ST3GAL3: variants seen among roughly 807,000 people sequenced by gnomAD.
ST3GAL3 encodes ST3 beta-galactoside alpha-2,3-sialyltransferase 3, also known as CMP-N-acetylneuraminate-beta-1,4-galactoside alpha-2,3-sialyltransferase.
In ST3GAL3, 21 loss-of-function variants were observed where a neutral mutation model predicts 50.1. That is an observed-to-expected ratio of 0.42 (90% CI 0.30 to 0.60). The LOEUF (loss-of-function observed/expected upper bound fraction) is 0.60. ST3GAL3 is among the 20% of genes least tolerant of loss of function. The pLI is 0.19. For missense variants in ST3GAL3, 353 were observed against 489.4 expected, an observed-to-expected ratio of 0.72 and a Z score of 2.63; for synonymous variants, 183 against 190.0, an observed-to-expected ratio of 0.96 and a Z score of 0.30.
chr1:43,765,333 C>A (rs1692146964), intron 2 of ST3GAL3, among the ~76,000 whole-genome samples: 1 of 152,122 alleles, frequency 6.6e-6, no homozygotes, highest in Non-Finnish European at 1.5e-5. Context: ...CCTCTCTCTT[C>A]AAGCTTCTCT....
intron 1 of ST3GAL3, among the ~76,000 whole-genome samples, chr1:43,710,709 A>G (rs1031116867): frequency 6.6e-6 from 1 of 152,154 alleles, no homozygotes; most frequent in African/African-American, 2.4e-5. Context: ...GGCTTTTTCT[A>G]TCTTAAATAG....
intron 5 of ST3GAL3, among the ~76,000 whole-genome samples, chr1:43,888,269 G>A (rs1238833079): frequency 1.3e-5 from 2 of 151,958 alleles, no homozygotes; most frequent in Non-Finnish European, 2.9e-5. Flanking sequence ...TATAACCTGG[G>A]GATGAGAAAA....
chr1:43,785,221 C>G (rs1361068329), intron 2 of ST3GAL3, among the ~76,000 whole-genome samples: 1 of 152,180 alleles, frequency 6.6e-6, no homozygotes, highest in Non-Finnish European at 1.5e-5. Flanking sequence ...GACTGCTAAA[C>G]CTCCCAAGTT....
intron 2 of ST3GAL3, among the ~76,000 whole-genome samples, chr1:43,748,629 C>G (rs1232196067): frequency 6.6e-6 from 1 of 152,040 alleles, no homozygotes; most frequent in Non-Finnish European, 1.5e-5. Context: ...TACATTGTTG[C>G]CTAGGCTGGT....
chr1:43,919,472 C>T (rs1229174502), intron 9 of ST3GAL3: 1 of 152,288 alleles, frequency 6.6e-6, no homozygotes, highest in Non-Finnish European at 1.5e-5. Context: ...TGACCTCCAG[C>T]AGTGCTCAGG....
chr1:43,810,958 G>A (rs183338618), intron 3 of ST3GAL3, among the ~76,000 whole-genome samples: 98 of 152,062 alleles, frequency 6.4e-4, no homozygotes, highest in African/African-American at 2.3e-3. Context: ...CCTATGTTTT[G>A]GTTATGTGAA....
rs199988736 is a variant in ST3GAL3 at position 43,864,970 on chromosome 1, A to AT, written c.302+26668dup. On this transcript the variant is annotated intron_variant, in intron 5 of 11. Coordinates refer to ENST00000347631, the MANE Select transcript of ST3GAL3 (RefSeq NM_006279.5). ...GTGAAGCACCCAGGTCCTTTAAGGGATTTTTTTTTCCGATTTCTTCCTAGT... is the reference window on the plus strand; with the variant it reads ...GTGAAGCACCCAGGTCCTTTAAGGGATTTTTTTTTTCCGATTTCTTCCTAGT... Among the ~76,000 whole-genome samples the AT allele has an allele frequency of 3.2e-3, 476 of 149,860 alleles. 2 individuals carry two copies. Among genetic ancestry groups the AT allele is most frequent in the African/African-American group, 0.011 (442 of 40,776 alleles).
At chr1:43,905,718 C>T (rs1455917086) in intron 9 of ST3GAL3, among the ~76,000 whole-genome samples, 2 of 97,952 alleles carry the variant, frequency 2.0e-5, no homozygotes, top group African/African-American at 4.5e-5. Flanking sequence ...CTCTTCCTCC[C>T]CCTCCTCCTG....
chr1:43,854,587 A>G (rs1207737005), intron 5 of ST3GAL3, among the ~76,000 whole-genome samples: 1 of 152,108 alleles, frequency 6.6e-6, no homozygotes, highest in African/African-American at 2.4e-5. Flanking sequence ...GCTTTAGCTA[A>G]CATCATATGT....
intron 5 of ST3GAL3, chr1:43,879,040 A>G (rs1425973429): frequency 2.2e-6 from 1 of 456,330 alleles, no homozygotes; most frequent in Admixed American, 2.3e-5. Context: ...AAACAAGAGA[A>G]GATGACATGT....
chr1:43,878,772 T>C (rs2074558214), intron 5 of ST3GAL3, among the ~76,000 whole-genome samples: 1 of 152,214 alleles, frequency 6.6e-6, no homozygotes. Context: ...TGCTCAGTTT[T>C]ATCAAGAGGG....
At chr1:43,795,541 G>C (rs2058590013) in intron 3 of ST3GAL3, among the ~76,000 whole-genome samples, 1 of 152,192 alleles carries the variant, frequency 6.6e-6, no homozygotes, top group Non-Finnish European at 1.5e-5. Context: ...GCTGGGTAGA[G>C]GTCTTCACAG....
At position 43,769,766 on chromosome 1, in the gene ST3GAL3, G is replaced by A. The variant is rs780181848; in HGVS notation, c.119-22336G>A. 2.2e-3 allele frequency among the ~76,000 whole-genome samples: 329 copies of A among 152,220 alleles called. 2 individuals carry two copies. The highest frequency in any genetic ancestry group is 2.1e-3 in the Non-Finnish European group (143 of 68,010). ...GAAAAAGGTAATATACTATATATTT[G>A]CATAAAATCATTCCCATTGTAAAAT... On this transcript the variant is annotated intron_variant, in intron 2 of 11. Coordinates refer to ENST00000347631, the MANE Select transcript of ST3GAL3 (RefSeq NM_006279.5).
chr1:43,734,188 A>G (rs1030434977), intron 1 of ST3GAL3, among the ~76,000 whole-genome samples: 1 of 150,374 alleles, frequency 6.7e-6, no homozygotes, highest in African/African-American at 2.4e-5. Flanking sequence ...AGTCTTGCCC[A>G]TTTCTTGCTA....
chr1:43,748,147 TAAC>T (rs1684568496), intron 2 of ST3GAL3, among the ~76,000 whole-genome samples: 1 of 152,058 alleles, frequency 6.6e-6, no homozygotes. Context: ...TCTTACTATA[TAAC>T]AATATCACAC....
At chr1:43,917,756 T>C (rs1482145610) in intron 9 of ST3GAL3, among the ~76,000 whole-genome samples, 3 of 141,172 alleles carry the variant, frequency 2.1e-5, no homozygotes, top group Non-Finnish European at 4.5e-5. Context: ...GCGACCTCTG[T>C]CCCCAGGTTC....
chr1:43,874,625 C>G (rs911823184), intron 5 of ST3GAL3, among the ~76,000 whole-genome samples: 1 of 152,148 alleles, frequency 6.6e-6, no homozygotes, highest in Non-Finnish European at 1.5e-5. Context: ...CTTCCTGGAG[C>G]AGTGTCCTTT....
chr1:43,714,901 T>C (rs1242057417), intron 1 of ST3GAL3, among the ~76,000 whole-genome samples: 1 of 152,238 alleles, frequency 6.6e-6, no homozygotes, highest in Non-Finnish European at 1.5e-5. Flanking sequence ...CATGAGTTCC[T>C]CCTCTCTCAA....
chr1:43,898,109 G>T, intron 6 of ST3GAL3, 126 bp from the exon 7 acceptor site: 1 of 990,932 alleles, frequency 1.0e-6, no homozygotes, highest in Admixed American at 1.9e-5. Flanking sequence ...CTTGTGTCCA[G>T]AGCTCTCTCC....
Sources: allele counts gnomAD v4.1 joint callset (sites outside exome capture counted in the v4.1 genomes callset), GRCh38; gene constraint gnomAD v4.1.1; transcripts MANE v1.5; gene names NCBI Gene and HGNC (gene_info 2026-07-23, HGNC 2026-07-21).